SAMHD1: variants seen among roughly 807,000 people sequenced by gnomAD.
The protein encoded by SAMHD1 is deoxynucleoside triphosphate triphosphohydrolase SAMHD1.
SAMHD1 carries 54 observed loss-of-function variants against 79.6 expected under a neutral mutation model. That is an observed-to-expected ratio of 0.68 (90% CI 0.55 to 0.85). The LOEUF (loss-of-function observed/expected upper bound fraction) is 0.85, where lower values mean the gene tolerates loss of function less well. SAMHD1 is among the 40% of genes least tolerant of loss of function. The pLI, the probability that SAMHD1 is intolerant of heterozygous loss-of-function variation, is 0.00. For synonymous variants in SAMHD1, 260 were observed against 264.1 expected (o/e 0.98, Z 0.15); for missense variants, 663 against 782.7 (o/e 0.85, Z 1.82).
chr20:36,910,752 T>C (rs1487297877), intron 11 of SAMHD1, among the ~76,000 whole-genome samples: 1 of 150,190 alleles, frequency 6.7e-6, no homozygotes, highest in Non-Finnish European at 1.5e-5. Context: ...AAAAGTTAAA[T>C]AATGTATATT....
chr20:36,911,340 A>C lies in SAMHD1; in HGVS notation c.1155-7T>G, dbSNP rs563734052. On this transcript the variant is annotated splice_polypyrimidine_tract_variant and splice_region_variant and intron_variant, in intron 10 of 15. Transcript: ENST00000646673. ...GAGGAAAGCATCTGTAATCCTAAAA[A>C]TCATTTTGCAAAAATTTATGTTTAT... is the stretch of plus-strand genomic sequence containing the variant. The C allele has an allele frequency of 6.4e-7, 1 of 1,572,990 alleles. No individual in the cohort carries two copies. The highest frequency in any genetic ancestry group is 1.1e-5 in the South Asian group (1 of 90,358).
chr20:36,933,248 C>T (rs2063578887), intron 4 of SAMHD1, among the ~76,000 whole-genome samples: 1 of 152,110 alleles, frequency 6.6e-6, no homozygotes, highest in African/African-American at 2.4e-5. Context: ...TCTTCCCTGT[C>T]CACTTCCTCC....
rs2063711690 is a variant in SAMHD1 at position 36,948,733 on chromosome 20, G to A, written c.209-1929C>T. On this transcript the variant is annotated intron_variant, in intron 1 of 15. Transcript: ENST00000646673. ...AATACAAAAATTAGCCAGGTGTGGT[G>A]GTGGGCACCTGTAGTCACAGCTACT... 4.0e-5 allele frequency among the ~76,000 whole-genome samples: 4 copies of A among 101,184 alleles called. No individual in the cohort carries two copies. In the South Asian group the frequency reaches 1.9e-3, roughly 49 times the overall value. 66.4% of individuals were successfully genotyped at this position (101,184 alleles called of 152,430 possible).
At chr20:36,895,076 G>C (rs7264587) in intron 15 of SAMHD1, among the ~76,000 whole-genome samples, 1 of 151,888 alleles carries the variant, frequency 6.6e-6, no homozygotes, top group Non-Finnish European at 1.5e-5. Flanking sequence ...TCTACTTTCA[G>C]TTCTAGTGAA....
At chr20:36,940,408 T>C (rs1739476208) in intron 3 of SAMHD1, 1 of 152,700 alleles carries the variant, frequency 6.5e-6, no homozygotes, top group African/African-American at 2.4e-5. Context: ...ACATAATAAA[T>C]AGAAACAGGG....
intron 15 of SAMHD1, chr20:36,893,322 T>G (rs1437637987): frequency 1.3e-5 from 7 of 544,116 alleles, no homozygotes; most frequent in Non-Finnish European, 2.3e-5. Context: ...AGCATACCAC[T>G]GCCCACCTCT....
intron 9 of SAMHD1, among the ~76,000 whole-genome samples, chr20:36,913,373 G>A (rs529591949): frequency 2.4e-4 from 37 of 151,662 alleles, no homozygotes; most frequent in Admixed American, 1.0e-3. Context: ...GGAGGCCGAG[G>A]TGGGCAGATC....
At chr20:36,950,654 C>T (rs746065045) in intron 1 of SAMHD1, among the ~76,000 whole-genome samples, 1 of 152,186 alleles carries the variant, frequency 6.6e-6, no homozygotes, top group Non-Finnish European at 1.5e-5. Flanking sequence ...TGTGGCCAAA[C>T]TGTGGCATGC....
chr20:36,899,882 T>C (rs1990269549), intron 13 of SAMHD1, among the ~76,000 whole-genome samples: 1 of 151,906 alleles, frequency 6.6e-6, no homozygotes, highest in South Asian at 2.1e-4. Context: ...GATCACGAGG[T>C]CAGGAGATCA....
chr20:36,945,606 C>T (rs2063680595), intron 2 of SAMHD1, among the ~76,000 whole-genome samples: 2 of 152,172 alleles, frequency 1.3e-5, no homozygotes, highest in South Asian at 4.1e-4. Context: ...TAAGGCCACA[C>T]ACGGTGGCTT....
At chr20:36,918,520 C>T (rs1445511589) in intron 7 of SAMHD1, among the ~76,000 whole-genome samples, 1 of 151,416 alleles carries the variant, frequency 6.6e-6, no homozygotes, top group Non-Finnish European at 1.5e-5. Flanking sequence ...AATTTATGGC[C>T]GGGCGCGGTG....
chr20:36,932,154 C>G (rs1292232891), intron 4 of SAMHD1, among the ~76,000 whole-genome samples: 1 of 151,818 alleles, frequency 6.6e-6, no homozygotes, highest in African/African-American at 2.4e-5. Context: ...TGGCAGGTGC[C>G]AGCTACTTGG....
chr20:36,920,864 T>G (rs1460511698), intron 6 of SAMHD1, among the ~76,000 whole-genome samples: 3 of 151,998 alleles, frequency 2.0e-5, no homozygotes, highest in African/African-American at 7.2e-5. Context: ...GTGGGAGGAT[T>G]GCTTGAGCCC....
rs1192884407 is a variant in SAMHD1, at chr20:36,892,977, T to C, written c.1836A>G (p.Glu612=). Residue 612 remains glutamate (E), a synonymous_variant, in exon 16 of 16, where the codon GAA becomes GAG. Coordinates refer to ENST00000646673, the MANE Select transcript of SAMHD1 (RefSeq NM_015474.4). ...TSVQNPTRLR[E]ASKSRVQLFK... ...AAAGCTGGACTCTGCTTTTGGATGC[T>C]TCTCGGAGGCGAGTTGGATTTTGGA... 1 of 1,614,112 alleles carries C rather than the reference T, an allele frequency of 6.2e-7. No homozygotes were observed.
chr20:36,944,664 G>A (rs924932584), intron 2 of SAMHD1, among the ~76,000 whole-genome samples: 1 of 152,186 alleles, frequency 6.6e-6, no homozygotes, highest in Non-Finnish European at 1.5e-5. Flanking sequence ...GGAGGACGAG[G>A]TGGGTGGATC....
At chr20:36,920,808 G>A (rs2146120738) in intron 6 of SAMHD1, among the ~76,000 whole-genome samples, 1 of 151,600 alleles carries the variant, frequency 6.6e-6, no homozygotes, top group South Asian at 2.1e-4. Flanking sequence ...CAGGCTGGGT[G>A]CAGTGGCTCA....
At chr20:36,937,142 A>T in intron 3 of SAMHD1, among the ~76,000 whole-genome samples, 1 of 37,796 alleles carries the variant, frequency 2.6e-5, no homozygotes, top group East Asian at 7.8e-4. Flanking sequence ...CTCTATCTCA[A>T]AAAAAAAAAA....
In SAMHD1 at chr20:36,946,784, A is replaced by G. The variant is rs2146151462; in HGVS notation, c.229T>C (p.Leu77=). Residue 77 remains leucine (L), a synonymous_variant, in exon 2 of 16, where the codon TTA becomes CTA. Coordinates refer to ENST00000646673, the MANE Select transcript of SAMHD1 (RefSeq NM_015474.4). ...NIRENEITGA[L]LPCLDESRFE... The stretch of plus-strand genomic sequence containing the variant: ...CGAGACTCATCAAGACAAGGCAGTA[A>G]TGCGCCTGTGATTTCATTTTCTATG... 21 of 1,612,968 alleles carry G rather than the reference A, an allele frequency of 1.3e-5. No individual in the cohort carries two copies. The highest frequency in any genetic ancestry group is 1.8e-5 in the Non-Finnish European group (21 of 1,179,194).
At position 36,928,868 on chromosome 20, in the gene SAMHD1, C is replaced by T. The variant is rs544780339; in HGVS notation, c.626-1616G>A. On this transcript the variant is annotated intron_variant, in intron 5 of 15. Coordinates refer to ENST00000646673, the MANE Select transcript of SAMHD1 (RefSeq NM_015474.4). The stretch of plus-strand genomic sequence containing the variant: ...GGTCAGGAGTTTGAGACCAGCCTGA[C>T]CAATATGGTGAAACCTCATCTCTAC... Among the ~76,000 whole-genome samples, 20 of 151,576 alleles carry T rather than the reference C, an allele frequency of 1.3e-4. No individual in the cohort carries two copies. In the South Asian group the frequency reaches 4.0e-3, roughly 30 times the overall value.
Sources: allele counts gnomAD v4.1 joint callset (sites outside exome capture counted in the v4.1 genomes callset), GRCh38; gene constraint gnomAD v4.1.1; transcripts MANE v1.5; gene names NCBI Gene and HGNC (gene_info 2026-07-23, HGNC 2026-07-21).